Variants in SEC31B observed in about 807,000 individuals in gnomAD.
SEC31B encodes SEC31 homolog B, COPII component.
Under a neutral mutation model 135.0 loss-of-function variants are expected in SEC31B, and 113 were observed. The ratio of observed to expected loss-of-function variants is 0.84; its 90% confidence interval spans 0.72 to 0.98. The LOEUF (loss-of-function observed/expected upper bound fraction) is 0.98, where lower values mean the gene tolerates loss of function less well. Ranked by LOEUF, SEC31B falls within the 50% of genes least tolerant of loss-of-function variation. The pLI is 0.00. For missense variants in SEC31B, 1,296 were observed against 1,421.1 expected, an observed-to-expected ratio of 0.91 and a Z score of 1.42; for synonymous variants, 508 against 549.4, an observed-to-expected ratio of 0.92 and a Z score of 1.05.
chr10:100,489,479 T>C, intron 22 of SEC31B, 81 bp from the exon 23 acceptor site: 1 of 1,527,122 alleles, frequency 6.5e-7, no homozygotes, highest in South Asian at 1.2e-5. Flanking sequence ...GGAATGACAG[T>C]GAACAAGGAG....
rs111846008 is a variant in SEC31B, at chr10:100,512,300, C to T, written c.204-2789G>A. Among the ~76,000 whole-genome samples, 900 of 152,274 alleles carry T rather than the reference C, an allele frequency of 5.9e-3. 4 individuals are homozygous for T. Among genetic ancestry groups the T allele is most frequent in the African/African-American group, 0.02 (831 of 41,534 alleles). ...TATAGAGAGGGTAAGGTACAGCAGA[C>T]CACACATTGATCTCTCACCTCATTT... is the stretch of plus-strand genomic sequence containing the variant. On this transcript the variant is annotated intron_variant, in intron 3 of 25. Coordinates refer to ENST00000370345, the MANE Select transcript of SEC31B (RefSeq NM_015490.4).
At chr10:100,514,504 C>A (rs563640357) in intron 3 of SEC31B, among the ~76,000 whole-genome samples, 2 of 151,868 alleles carry the variant, frequency 1.3e-5, no homozygotes, top group Admixed American at 1.3e-4. Context: ...ATCAGTAAAT[C>A]CTCAAGTGCC....
Position 100,495,470 on chromosome 10 carries a change from A to T in SEC31B, c.2387T>A (p.Phe796Tyr), listed in dbSNP as rs765546793. Reference sequence around the variant, plus strand: ...TCCCACAACAATCCGGGGGAAGGGGAAAGGGGGAGACTGTTGGCCCAAGAC... The same window carrying T: ...TCCCACAACAATCCGGGGGAAGGGGTAAGGGGGAGACTGTTGGCCCAAGAC... ...SAVLGQQSPPFPFPRIVVGAT... is the reference protein window; with the variant it reads ...SAVLGQQSPPYPFPRIVVGAT... The change falls in exon 19 of 26, where the codon TTC (phenylalanine) becomes TAC (tyrosine). Residue 796 changes from phenylalanine (F) to tyrosine (Y), a missense_variant. By Grantham distance (22) the Phe-to-Tyr change is conservative. Coordinates refer to ENST00000370345, the MANE Select transcript of SEC31B (RefSeq NM_015490.4). 1 of 1,613,862 alleles carries T rather than the reference A, an allele frequency of 6.2e-7. No homozygotes were observed. The highest frequency in any genetic ancestry group is 1.1e-5 in the South Asian group (1 of 91,036).
Position 100,505,382 on chromosome 10 carries a change from T to G in SEC31B, c.1158A>C (p.Arg386Ser). 2 of 1,613,218 alleles carry G rather than the reference T, an allele frequency of 1.2e-6. No individual in the cohort carries two copies. Among genetic ancestry groups the G allele is most frequent in the South Asian group, 2.2e-5 (2 of 91,002 alleles). ...PLKKPPKWIR[R>S]PTGVSFAFGG... ...TTACAGCAAATGAAACACCTGTTGG[T>G]CTTCTAATCCATTTGGGGGGTTTTT... Residue 386 changes from arginine (R) to serine (S), a missense_variant, in exon 10 of 26, where the codon AGA (arginine) becomes AGC (serine). Transcript: ENST00000370345.
Position 100,487,331 on chromosome 10 carries a change from C to T in SEC31B, c.*285G>A. 2 of 380,600 alleles carry T rather than the reference C, an allele frequency of 5.3e-6. No homozygotes were observed. Among genetic ancestry groups the T allele is most frequent in the South Asian group, 6.7e-5 (2 of 29,998 alleles). 23.6% of individuals were successfully genotyped at this position (380,600 alleles called of 1,614,324 possible). On this transcript the variant is annotated 3_prime_UTR_variant, in exon 26 of 26. Coordinates refer to ENST00000370345, the MANE Select transcript of SEC31B (RefSeq NM_015490.4). ...GAAGATCCCTGGGGGAGAAGATATC[C>T]TGCCCCAGGTCCTTACAGAGTGTAG...
chr10:100,506,508 G>A, intron 7 of SEC31B, 88 bp from the exon 8 acceptor site: 1 of 1,098,316 alleles, frequency 9.1e-7, no homozygotes, highest in Non-Finnish European at 1.4e-6. Context: ...ATTTTATAGG[G>A]CATATCAGAC....
Position 100,490,883 on chromosome 10 carries a change from C to G in SEC31B, c.2473G>C (p.Val825Leu). Residue 825 changes from valine (V) to leucine (L), a missense_variant and splice_region_variant, in exon 20 of 26, where the codon GTC becomes CTC. Transcript: ENST00000370345. Reference sequence around the variant, plus strand: ...CTTGGCCTTGGAGATGGAGTTGGGACCTATGAAGAGAAAAAAACATCAGCT... The same window carrying G: ...CTTGGCCTTGGAGATGGAGTTGGGAGCTATGAAGAGAAAAAAACATCAGCT... ...YRLGSQPSHQ[V>L]PTPSPRPRVF... 1 of 1,434,458 alleles carries G rather than the reference C, an allele frequency of 7.0e-7. No individual in the cohort carries two copies. The highest frequency in any genetic ancestry group is 9.3e-7 in the Non-Finnish European group (1 of 1,079,766). The allele number at this position is 1,434,458 out of a possible 1,614,324, so 88.9% of individuals were successfully genotyped here. A position where few individuals can be genotyped will look rare whatever the true frequency, so the allele number is the denominator to read the frequency against.
chr10:100,514,837 C>A (rs1564654738), intron 3 of SEC31B, among the ~76,000 whole-genome samples: 1 of 151,786 alleles, frequency 6.6e-6, no homozygotes, highest in Non-Finnish European at 1.5e-5. Context: ...AAAAATTAGC[C>A]AGGTGTGGTG....
intron 5 of SEC31B, 150 bp downstream of exon 5, chr10:100,508,857 G>C: frequency 1.5e-6 from 1 of 649,372 alleles, no homozygotes; most frequent in East Asian, 2.7e-5. Context: ...ACTCTTATCT[G>C]GCTGGTAGCA....
At chr10:100,516,845 G>A in intron 2 of SEC31B, 29 bp downstream of exon 2, 1 of 1,549,546 alleles carries the variant, frequency 6.5e-7, no homozygotes, top group African/African-American at 1.4e-5. Flanking sequence ...TGTACTCCCA[G>A]TGGATCCTAA....
At chr10:100,512,244 G>C (rs1423332019) in intron 3 of SEC31B, among the ~76,000 whole-genome samples, 3 of 152,150 alleles carry the variant, frequency 2.0e-5, no homozygotes, top group South Asian at 4.1e-4. Flanking sequence ...AGAGGTTATG[G>C]GGGCCACTCC....
intron 10 of SEC31B, among the ~76,000 whole-genome samples, chr10:100,503,180 AC>A (rs1392644952): frequency 2.6e-5 from 4 of 151,990 alleles, no homozygotes; most frequent in Non-Finnish European, 4.4e-5. Context: ...TACCCACAAC[AC>A]CCCCACCTGG....
intron 19 of SEC31B, among the ~76,000 whole-genome samples, chr10:100,493,848 C>G (rs575875972): frequency 1.3e-5 from 2 of 152,056 alleles, no homozygotes; most frequent in South Asian, 4.2e-4. Flanking sequence ...TGTGAGATGC[C>G]GACACGGGGC....
intron 20 of SEC31B, 182 bp from the exon 21 acceptor site, chr10:100,490,504 C>A: frequency 1.1e-6 from 1 of 879,138 alleles, no homozygotes; most frequent in Non-Finnish European, 1.7e-6. Flanking sequence ...AAAACAATCC[C>A]ATAGCATTGA....
chr10:100,498,739 C>T lies in SEC31B; in HGVS notation c.1650G>A (p.Gln550=), dbSNP rs777813665. 6.2e-6 allele frequency: 10 copies of T among 1,613,862 alleles called. No homozygotes were observed. The South Asian group carries it at 1.1e-4, about 18-fold the overall frequency. The change falls in exon 14 of 26, where the codon CAG becomes CAA. Residue 550 remains glutamine, a synonymous_variant. Transcript: ENST00000370345. The stretch of plus-strand genomic sequence containing the variant: ...TGGGGATCTCCCAAGGAGTCATGTT[C>T]TGAGGGACCAGCTCATCAAAGAAGG... ...SSAFFDELVP[Q]NMTPWEIPIT...
At position 100,490,218 on chromosome 10, in the gene SEC31B, A is replaced by G. The variant is rs767261666; in HGVS notation, c.2755T>C (p.Cys919Arg). Residue 919 changes from cysteine (C) to arginine (R), a missense_variant, in exon 21 of 26, where the codon TGC becomes CGC. Cys to Arg is a radical substitution (Grantham distance 180). Coordinates refer to ENST00000370345, the MANE Select transcript of SEC31B (RefSeq NM_015490.4). Reference sequence around the variant, plus strand: ...GAGCCAGGTCGCATGATGCCTGGGCATGCCATGGGTAGAGGGGAACCAGGA... The same window carrying G: ...GAGCCAGGTCGCATGATGCCTGGGCGTGCCATGGGTAGAGGGGAACCAGGA... Reference protein sequence around the residue: ...PLPGSPLPMACPGIMRPGSTS... With the variant: ...PLPGSPLPMARPGIMRPGSTS... The G allele has an allele frequency of 9.3e-6, 15 of 1,612,824 alleles. No individual in the cohort carries two copies. The highest frequency in any genetic ancestry group is 1.3e-5 in the Non-Finnish European group (15 of 1,179,352).
Position 100,506,325 on chromosome 10 carries a change from C to T in SEC31B, c.878G>A (p.Ser293Asn). ...SQILCRNLGS[S>N]EVVYKLPTQS... The stretch of plus-strand genomic sequence containing the variant: ...CCCACAGAAGGGCCAGCCTACCTCA[C>T]TGCTCCCCAGGTTCCGGCACAAGAT... The change falls in exon 8 of 26, where the codon AGT becomes AAT. Residue 293 changes from serine to asparagine, a missense_variant. Coordinates refer to ENST00000370345, the MANE Select transcript of SEC31B (RefSeq NM_015490.4). 1 of 1,614,198 alleles carries T rather than the reference C, an allele frequency of 6.2e-7. No individual in the cohort carries two copies. Among genetic ancestry groups the T allele is most frequent in the Non-Finnish European group, 8.5e-7 (1 of 1,180,034 alleles).
intron 10 of SEC31B, 119 bp downstream of exon 10, chr10:100,505,242 T>G: frequency 7.8e-7 from 1 of 1,279,520 alleles, no homozygotes. Context: ...ACAGAGGCAG[T>G]GGGAATACGT....
At chr10:100,490,959 G>A in intron 19 of SEC31B, 76 bp from the exon 20 acceptor site, 8 of 1,049,918 alleles carry the variant, frequency 7.6e-6, no homozygotes, top group South Asian at 3.9e-5. Context: ...AAATAATAGG[G>A]AAAATTAATG....
Sources: gnomAD v4.1 joint callset for allele counts (sites outside exome capture counted in the v4.1 genomes callset) on GRCh38, gnomAD v4.1.1 for gene constraint, MANE v1.5 for transcripts, NCBI Gene and HGNC (gene_info 2026-07-23, HGNC 2026-07-21) for gene names.